PDZRN4: variants seen among roughly 807,000 people sequenced by gnomAD.
The protein encoded by PDZRN4 is PDZ domain-containing RING finger protein 4.
A neutral mutation model predicts 99.0 loss-of-function variants in PDZRN4; 70 were observed. That is an observed-to-expected ratio of 0.71 (90% confidence interval 0.58 to 0.86). PDZRN4 has a LOEUF of 0.86. Among genes scored for constraint, PDZRN4 ranks in the 40% least tolerant of loss-of-function variants. The pLI is 0.00. For missense variants in PDZRN4, 1,474 were observed against 1,331.2 expected, an observed-to-expected ratio of 1.11 and a Z score of -1.67; for synonymous variants, 551 against 501.6, an observed-to-expected ratio of 1.10 and a Z score of -1.32.
intron 7 of PDZRN4, among the ~76,000 whole-genome samples, chr12:41,561,221 A>G (rs189776988): frequency 6.0e-4 from 91 of 152,304 alleles, no homozygotes; most frequent in Non-Finnish European, 1.0e-3. Context: ...CATGTTTACT[A>G]CTATGCATTT....
intron 5 of PDZRN4, among the ~76,000 whole-genome samples, chr12:41,546,981 C>T (rs1283150434): frequency 1.3e-5 from 2 of 152,096 alleles, no homozygotes; most frequent in East Asian, 3.8e-4. Flanking sequence ...CACAAATGGC[C>T]GTGGATAGTT....
At chr12:41,361,927 C>T (rs1166018629) in intron 3 of PDZRN4, among the ~76,000 whole-genome samples, 10 of 152,066 alleles carry the variant, frequency 6.6e-5, no homozygotes, top group African/African-American at 2.2e-4. Flanking sequence ...TGACTCGCGT[C>T]GCACCAGCTC....
intron 3 of PDZRN4, among the ~76,000 whole-genome samples, chr12:41,336,345 A>G (rs867463091): frequency 6.6e-6 from 1 of 152,148 alleles, no homozygotes. Context: ...TAATTGCTGA[A>G]GTTGATTACT....
chr12:41,312,487 G>A (rs530697521), intron 3 of PDZRN4, among the ~76,000 whole-genome samples: 8 of 152,170 alleles, frequency 5.3e-5, no homozygotes, highest in South Asian at 2.1e-4. Context: ...TTCTCATGCC[G>A]CTAATAAAGA....
intron 3 of PDZRN4, among the ~76,000 whole-genome samples, chr12:41,302,858 G>T (rs1290927965): frequency 2.0e-5 from 3 of 151,644 alleles, no homozygotes; most frequent in African/African-American, 7.3e-5. Context: ...ACCCTAAAGG[G>T]TAAATCACAT....
At chr12:41,445,258 A>T (rs1284615887) in intron 3 of PDZRN4, among the ~76,000 whole-genome samples, 1 of 152,122 alleles carries the variant, frequency 6.6e-6, no homozygotes, top group Admixed American at 6.6e-5. Context: ...GAAGTAAGAT[A>T]ATCTCATTAG....
At chr12:41,499,175 A>T (rs1004241972) in intron 3 of PDZRN4, among the ~76,000 whole-genome samples, 1 of 152,002 alleles carries the variant, frequency 6.6e-6, no homozygotes, top group Non-Finnish European at 1.5e-5. Context: ...CTGGATAAAG[A>T]CCTGTAATAC....
At chr12:41,388,406 G>T (rs536420381) in intron 3 of PDZRN4, among the ~76,000 whole-genome samples, 7 of 151,674 alleles carry the variant, frequency 4.6e-5, no homozygotes, top group African/African-American at 1.2e-4. Context: ...AAAAAGGAAA[G>T]TTGGAGGAAT....
rs144607275 is a variant in PDZRN4, at chr12:41,428,277, A to G, written c.844-78179A>G. On this transcript the variant is annotated intron_variant, in intron 3 of 9. Coordinates refer to ENST00000402685, the MANE Select transcript of PDZRN4 (RefSeq NM_001164595.2). ...AAGAAGGATGATCTGGTTACTCCCT[A>G]TTATACCACCCTGTGTTAATTTCCT... Among the ~76,000 whole-genome samples the G allele has an allele frequency of 8.5e-4, 129 of 152,256 alleles. 1 individual carries two copies. In the Middle Eastern group the frequency reaches 0.014, roughly 16 times the overall value.
chr12:41,426,465 T>C (rs955372005), intron 3 of PDZRN4, among the ~76,000 whole-genome samples: 1 of 152,194 alleles, frequency 6.6e-6, no homozygotes, highest in Non-Finnish European at 1.5e-5. Flanking sequence ...AAAGATGCTA[T>C]GCTAAATGAA....
chr12:41,191,261 GT>G (rs1393977328), intron 1 of PDZRN4, among the ~76,000 whole-genome samples, 196 bp from the exon 2 acceptor site: 1 of 152,146 alleles, frequency 6.6e-6, no homozygotes, highest in Non-Finnish European at 1.5e-5. Flanking sequence ...CACATGCACA[GT>G]TGTTCTTTTT....
intron 3 of PDZRN4, among the ~76,000 whole-genome samples, chr12:41,228,903 TA>T (rs1951012532): frequency 6.6e-6 from 1 of 152,042 alleles, no homozygotes. Flanking sequence ...TCACAGAATT[TA>T]AAAATCAGAC....
chr12:41,329,276 A>G (rs1951729125), intron 3 of PDZRN4, among the ~76,000 whole-genome samples: 1 of 152,118 alleles, frequency 6.6e-6, no homozygotes, highest in Admixed American at 6.6e-5. Flanking sequence ...GTGAGACTGT[A>G]TTTAATACAG....
intron 3 of PDZRN4, among the ~76,000 whole-genome samples, chr12:41,258,998 C>T (rs1279673639): frequency 1.3e-5 from 2 of 152,016 alleles, no homozygotes; most frequent in African/African-American, 4.8e-5. Flanking sequence ...TTAACACTCT[C>T]CTTTATCATA....
At chr12:41,215,803 C>A (rs1420121111) in intron 3 of PDZRN4, among the ~76,000 whole-genome samples, 1 of 151,572 alleles carries the variant, frequency 6.6e-6, no homozygotes, top group Non-Finnish European at 1.5e-5. Context: ...TGCTTTGAGT[C>A]TACCACTTGT....
chr12:41,383,586 C>T (rs993791063), intron 3 of PDZRN4, among the ~76,000 whole-genome samples: 2 of 152,262 alleles, frequency 1.3e-5, no homozygotes, highest in Non-Finnish European at 1.5e-5. Context: ...TAGAAAACCC[C>T]TCCTTTGTAT....
At chr12:41,541,578 C>T (rs546515325) in intron 5 of PDZRN4, among the ~76,000 whole-genome samples, 10 of 151,710 alleles carry the variant, frequency 6.6e-5, no homozygotes, top group East Asian at 2.0e-4. Flanking sequence ...CTCAGCCTCC[C>T]GAGTAGCTGG....
intron 7 of PDZRN4, among the ~76,000 whole-genome samples, chr12:41,562,523 C>A (rs891817075): frequency 7.2e-5 from 11 of 152,048 alleles, no homozygotes; most frequent in Non-Finnish European, 1.5e-4. Flanking sequence ...ATTACTTGAT[C>A]TCTTTAATTG....
intron 8 of PDZRN4, 133 bp from the exon 9 acceptor site, chr12:41,567,650 T>C (rs1280327896): frequency 2.6e-6 from 1 of 390,030 alleles, no homozygotes; most frequent in Non-Finnish European, 4.5e-6. Flanking sequence ...AGAGGTGAAC[T>C]GTGGGAGGCT....
Sources: gnomAD v4.1 joint callset for allele counts (sites outside exome capture counted in the v4.1 genomes callset) on GRCh38, gnomAD v4.1.1 for gene constraint, MANE v1.5 for transcripts, NCBI Gene and HGNC (gene_info 2026-07-23, HGNC 2026-07-21) for gene names.